ADGRB3: variants seen among roughly 807,000 people sequenced by gnomAD.
The protein encoded by ADGRB3 is brain-specific angiogenesis inhibitor 3.
A neutral mutation model predicts 193.4 loss-of-function variants in ADGRB3; 37 were observed. The observed-to-expected ratio is 0.19, with a 90% CI of 0.15 to 0.25. ADGRB3 has a LOEUF of 0.25. Ranked by LOEUF, ADGRB3 falls within the 10% of genes least tolerant of loss-of-function variation. The probability of loss-of-function intolerance (pLI) is 1.00; values close to 1 mark genes in which losing one functional copy is unlikely to be tolerated. For missense variants in ADGRB3, 1,637 were observed against 1,852.9 expected (o/e 0.88, Z 2.14); for synonymous variants, 690 against 644.2 (o/e 1.07, Z -1.08).
intron 3 of ADGRB3, among the ~76,000 whole-genome samples, chr6:68,769,144 A>G (rs972529073): frequency 3.9e-5 from 6 of 152,210 alleles, no homozygotes; most frequent in African/African-American, 1.2e-4. Context: ...TTCCTCAAGG[A>G]TCTAGAACCA....
At chr6:69,239,461 GT>G (rs1392871534) in intron 20 of ADGRB3, among the ~76,000 whole-genome samples, 13 of 151,914 alleles carry the variant, frequency 8.6e-5, no homozygotes, top group Non-Finnish European at 1.8e-4. Context: ...AAAAATGTAT[GT>G]TTATTAAACA....
chr6:68,714,021 C>T (rs1015446847), intron 3 of ADGRB3, among the ~76,000 whole-genome samples: 3 of 151,518 alleles, frequency 2.0e-5, no homozygotes, highest in Non-Finnish European at 4.4e-5. Context: ...TAACTTTATT[C>T]ATGAGAAGGA....
chr6:69,026,932 G>C (rs915548291), intron 13 of ADGRB3, among the ~76,000 whole-genome samples: 3 of 152,196 alleles, frequency 2.0e-5, no homozygotes, highest in African/African-American at 7.2e-5. Flanking sequence ...TGAGTGGTGA[G>C]TGAGTGTGAG....
chr6:69,100,905 CGAGGGAGGGAAGGAAGGAAGGAGG>C (rs1773027600), intron 17 of ADGRB3, among the ~76,000 whole-genome samples: 1 of 11,012 alleles, frequency 9.1e-5, no homozygotes. Flanking sequence ...AAGGAAGAAG[CGAGGGAGGGAAGGAAGGAAGGAGG>C]GAGGGAGGGA....
intron 10 of ADGRB3, among the ~76,000 whole-genome samples, chr6:68,988,208 G>A (rs1218754412): frequency 1.3e-5 from 2 of 152,028 alleles, no homozygotes; most frequent in African/African-American, 4.8e-5. Flanking sequence ...CTAGTGGAAT[G>A]GATAAGATAA....
chr6:69,127,895 GT>G (rs778494378), intron 17 of ADGRB3, among the ~76,000 whole-genome samples: 1,542 of 84,650 alleles, frequency 0.018, 25 homozygotes, highest in African/African-American at 0.044. Context: ...CAAGATAATA[GT>G]TTTTTTTTTG....
At chr6:68,805,093 A>C (rs1767377779) in intron 3 of ADGRB3, among the ~76,000 whole-genome samples, 2 of 151,862 alleles carry the variant, frequency 1.3e-5, no homozygotes, top group African/African-American at 4.8e-5. Context: ...ATACCCGGCT[A>C]TTTTATTTTA....
chr6:69,384,409 C>T (rs1048171077), intron 31 of ADGRB3, among the ~76,000 whole-genome samples: 11 of 151,960 alleles, frequency 7.2e-5, no homozygotes, highest in Admixed American at 1.3e-4. Context: ...TGAGATTAGA[C>T]CTAAACACAT....
intron 11 of ADGRB3, among the ~76,000 whole-genome samples, chr6:69,007,576 T>A (rs905612303): frequency 6.6e-5 from 10 of 152,116 alleles, no homozygotes; most frequent in African/African-American, 2.4e-4. Flanking sequence ...TCCTCAGGTC[T>A]TTGTGTGGCT....
intron 17 of ADGRB3, among the ~76,000 whole-genome samples, chr6:69,133,416 C>T (rs1447423318): frequency 1.3e-5 from 2 of 151,912 alleles, no homozygotes; most frequent in Non-Finnish European, 2.9e-5. Flanking sequence ...CATGATTTGG[C>T]TGAAGAAGTT....
At chr6:68,827,849 T>C (rs371716702) in intron 3 of ADGRB3, among the ~76,000 whole-genome samples, 104 of 152,252 alleles carry the variant, frequency 6.8e-4, no homozygotes, top group African/African-American at 2.4e-3. Flanking sequence ...TTACTGAAAG[T>C]CCACTCCTAC....
intron 30 of ADGRB3, among the ~76,000 whole-genome samples, chr6:69,382,217 C>T (rs1432493339): frequency 6.6e-6 from 1 of 151,874 alleles, no homozygotes; most frequent in Non-Finnish European, 1.5e-5. Flanking sequence ...AGAATCTATA[C>T]CATCTCCTAA....
chr6:68,960,705 T>TC (rs773765191), intron 8 of ADGRB3, among the ~76,000 whole-genome samples: 1 of 152,090 alleles, frequency 6.6e-6, no homozygotes, highest in Non-Finnish European at 1.5e-5. Flanking sequence ...TTTGAGTGCC[T>TC]CCCTCATTGT....
chr6:69,294,324 A>G (rs1251687915), intron 20 of ADGRB3, among the ~76,000 whole-genome samples: 3 of 152,142 alleles, frequency 2.0e-5, no homozygotes, highest in Admixed American at 6.6e-5. Flanking sequence ...TTTCTAACAC[A>G]TGCACATTTC....
chr6:68,863,155 A>G (rs989566078), intron 3 of ADGRB3, among the ~76,000 whole-genome samples: 3 of 152,114 alleles, frequency 2.0e-5, no homozygotes, highest in Non-Finnish European at 4.4e-5. Context: ...AAGACATTCT[A>G]TATGTATGTG....
intron 8 of ADGRB3, among the ~76,000 whole-genome samples, chr6:68,964,024 C>A (rs1390990284): frequency 6.6e-6 from 1 of 152,020 alleles, no homozygotes; most frequent in Non-Finnish European, 1.5e-5. Context: ...TATATAAAAG[C>A]ATATGAATAA....
At chr6:68,766,214 GTTAA>G (rs557137040) in intron 3 of ADGRB3, among the ~76,000 whole-genome samples, 2 of 151,790 alleles carry the variant, frequency 1.3e-5, no homozygotes, top group Non-Finnish European at 2.9e-5. Flanking sequence ...AACTTCTTGT[GTTAA>G]TTCTGTTTTT....
At chr6:68,851,313 T>C (rs756574814) in intron 3 of ADGRB3, among the ~76,000 whole-genome samples, 1 of 152,042 alleles carries the variant, frequency 6.6e-6, no homozygotes, top group East Asian at 1.9e-4. Flanking sequence ...AATATTATAG[T>C]ATCGTCTTTC....
At chr6:68,777,069 G>A (rs1036003214) in intron 3 of ADGRB3, among the ~76,000 whole-genome samples, 1 of 152,062 alleles carries the variant, frequency 6.6e-6, no homozygotes, top group Non-Finnish European at 1.5e-5. Context: ...TATACAATGT[G>A]CAAGATTTGC....
Sources: gnomAD v4.1 joint callset for allele counts (sites outside exome capture counted in the v4.1 genomes callset) on GRCh38, gnomAD v4.1.1 for gene constraint, MANE v1.5 for transcripts, NCBI Gene and HGNC (gene_info 2026-07-23, HGNC 2026-07-21) for gene names.